USP25: variants seen among roughly 807,000 people sequenced by gnomAD.
The protein encoded by USP25 is ubiquitin specific peptidase 25.
USP25 carries 85 observed loss-of-function variants against 158.5 expected under a neutral mutation model. The ratio of observed to expected loss-of-function variants is 0.54; its 90% CI spans 0.45 to 0.64. The LOEUF (loss-of-function observed/expected upper bound fraction) is 0.64. USP25 is among the 30% of genes least tolerant of loss of function. The pLI, the probability that USP25 is intolerant of heterozygous loss-of-function variation, is 0.00. For missense variants in USP25, 1,242 were observed against 1,327.3 expected, an observed-to-expected ratio of 0.94 and a Z score of 1.00; for synonymous variants, 464 against 460.4, an observed-to-expected ratio of 1.01 and a Z score of -0.10.
rs1170698271 is a variant in USP25, at chr21:15,878,130, T to G, written c.3205+139T>G. ...ATTTTCACATTCACATGATTACTCTTTTTCCATATTGATGAACTAAGCTGT... is the reference window on the plus strand; with the variant it reads ...ATTTTCACATTCACATGATTACTCTGTTTCCATATTGATGAACTAAGCTGT... On this transcript the variant is annotated intron_variant, in intron 25 of 25. Transcript: ENST00000400183. 8 of 1,061,914 alleles carry G rather than the reference T, an allele frequency of 7.5e-6. No homozygotes were observed. In the East Asian group the frequency reaches 1.9e-4, roughly 25 times the overall value. The allele number at this position is 1,061,914 out of a possible 1,614,324, so 65.8% of individuals were successfully genotyped here. A position where few individuals can be genotyped will look rare whatever the true frequency, so the allele number is the denominator to read the frequency against.
chr21:15,866,391 A>T, intron 22 of USP25, 47 bp downstream of exon 22: 1 of 1,404,380 alleles, frequency 7.1e-7, no homozygotes, highest in Non-Finnish European at 9.6e-7. Flanking sequence ...GGGATTCTGT[A>T]ATTCACTGAT....
At chr21:15,777,308 A>G (rs1045131118) in intron 3 of USP25, among the ~76,000 whole-genome samples, 15 of 152,200 alleles carry the variant, frequency 9.9e-5, no homozygotes, top group African/African-American at 3.6e-4. Flanking sequence ...ATTTAAATAG[A>G]AAGTGAAAGA....
At chr21:15,779,387 G>A (rs1235959266) in intron 4 of USP25, among the ~76,000 whole-genome samples, 1 of 151,936 alleles carries the variant, frequency 6.6e-6, no homozygotes, top group Non-Finnish European at 1.5e-5. Context: ...GATTTCATAT[G>A]TAAGGGGCAT....
intron 16 of USP25, among the ~76,000 whole-genome samples, chr21:15,832,747 G>T (rs377443792): frequency 1.3e-5 from 2 of 152,002 alleles, no homozygotes; most frequent in Non-Finnish European, 2.9e-5. Context: ...GGCCGGGCGC[G>T]GTGGCTTATG....
chr21:15,767,591 G>A (rs985703936), intron 3 of USP25, among the ~76,000 whole-genome samples: 1 of 152,070 alleles, frequency 6.6e-6, no homozygotes, highest in Non-Finnish European at 1.5e-5. Context: ...TGAAAGAGAA[G>A]TGGTATAAAG....
intron 1 of USP25, among the ~76,000 whole-genome samples, chr21:15,761,896 A>G (rs988413065): frequency 2.0e-4 from 30 of 152,260 alleles, no homozygotes; most frequent in African/African-American, 6.5e-4. Context: ...TCTCTGCCCT[A>G]TGCGCCTTGG....
At position 15,826,229 on chromosome 21, in the gene USP25, A is replaced by C. The variant is rs1294464227; in HGVS notation, c.1330A>C (p.Lys444Gln). ...ATATTTAAGCTATGGTTCCGGTCCCAAACGATTCCCCTTGGTAGATGTTCT... is the reference window on the plus strand; with the variant it reads ...ATATTTAAGCTATGGTTCCGGTCCCCAACGATTCCCCTTGGTAGATGTTCT... ...ERYLSYGSGP[K>Q]RFPLVDVLQY... is the part of the protein sequence containing the mutation. The change falls in exon 13 of 26, where the codon AAA becomes CAA. Residue 444 changes from lysine (K) to glutamine (Q), a missense_variant. Lys to Gln is a moderately conservative substitution (Grantham distance 53). This residue lies in a region of USP25 where 627 missense variants were observed against 701.4 expected (regional missense o/e 0.89). Coordinates refer to ENST00000400183, the MANE Select transcript of USP25 (RefSeq NM_001283041.3). This position sits in a 1 kb window ranked among gnomAD's most constrained non-coding sequence, Gnocchi z 4.8. The C allele has an allele frequency of 6.2e-7, 1 of 1,613,908 alleles. No homozygotes were observed. Among genetic ancestry groups the C allele is most frequent in the Non-Finnish European group, 8.5e-7 (1 of 1,179,930 alleles).
intron 6 of USP25, 86 bp from the exon 7 acceptor site, chr21:15,805,035 G>C: frequency 7.3e-7 from 1 of 1,362,604 alleles, no homozygotes; most frequent in Non-Finnish European, 9.6e-7. Flanking sequence ...TTAATTTTTG[G>C]TTACTGTTAA....
chr21:15,860,186 A>G (rs985474055), intron 20 of USP25, among the ~76,000 whole-genome samples: 12 of 151,592 alleles, frequency 7.9e-5, no homozygotes, highest in African/African-American at 2.9e-4. Flanking sequence ...GGAGTCTCAC[A>G]CTGTTTCCCA....
At chr21:15,730,974 C>CTTTTTTTTTTT (rs1420306163) in intron 1 of USP25, among the ~76,000 whole-genome samples, 1 of 60,342 alleles carries the variant, frequency 1.7e-5, no homozygotes, top group Admixed American at 1.7e-4. Flanking sequence ...TTCTTCTTTT[C>CTTTTTTTTTTT]TGTTTTTTTT....
chr21:15,804,869 C>T (rs1364794762), intron 6 of USP25, among the ~76,000 whole-genome samples: 1 of 152,080 alleles, frequency 6.6e-6, no homozygotes, highest in Non-Finnish European at 1.5e-5. Context: ...ACATGATTTG[C>T]TGTGAATATG....
At chr21:15,821,163 A>T (rs1033033814) in intron 10 of USP25, among the ~76,000 whole-genome samples, 4 of 151,792 alleles carry the variant, frequency 2.6e-5, no homozygotes, top group African/African-American at 9.7e-5. Flanking sequence ...GTTCTTTTAG[A>T]CTATTGCTAT....
At chr21:15,795,837 T>C (rs1170666249) in intron 5 of USP25, among the ~76,000 whole-genome samples, 1 of 151,546 alleles carries the variant, frequency 6.6e-6, no homozygotes, top group Non-Finnish European at 1.5e-5. Flanking sequence ...CCATCTATTT[T>C]TCAATCCCTG....
At position 15,827,355 on chromosome 21, in the gene USP25, C is replaced by T. The variant is rs76569298; in HGVS notation, c.1693+152C>T. ...GGTTTTAAGATAAACTAGTTTGGCT[C>T]CCCATTTTTATAATCTCAATATCAG... On this transcript the variant is annotated intron_variant, in intron 14 of 25. Coordinates refer to ENST00000400183, the MANE Select transcript of USP25 (RefSeq NM_001283041.3). 6.5e-4 allele frequency: 462 copies of T among 709,794 alleles called. 8 individuals are homozygous for T. In the East Asian group the frequency reaches 0.013, roughly 19 times the overall value. The allele number at this position is 709,794 out of a possible 1,614,324, so 44.0% of individuals were successfully genotyped here. A position where few individuals can be genotyped will look rare whatever the true frequency, so the allele number is the denominator to read the frequency against.
At chr21:15,831,306 G>A in intron 15 of USP25, 95 bp from the exon 16 acceptor site, 1 of 1,189,590 alleles carries the variant, frequency 8.4e-7, no homozygotes, top group Non-Finnish European at 1.2e-6. Flanking sequence ...ATGCTCTTAT[G>A]GTTTTCTCCA....
rs1171594390 is a variant in USP25, at chr21:15,827,016, A to G, written c.1506A>G (p.Pro502=). 6.2e-7 allele frequency: 1 copy of G among 1,614,002 alleles called. No homozygotes were observed. The highest frequency in any genetic ancestry group is 1.3e-5 in the African/African-American group (1 of 74,922). The change falls in exon 14 of 26, where the codon CCA becomes CCG. Residue 502 remains proline, a synonymous_variant. Transcript: ENST00000400183. ...AGGGAGCCCTATCTTCAGAACTGCCAAGCACATCACCTTCATCAGTTGCTG... is the reference window on the plus strand; with the variant it reads ...AGGGAGCCCTATCTTCAGAACTGCCGAGCACATCACCTTCATCAGTTGCTG... ...EQQGALSSEL[P]STSPSSVAAI... is the part of the protein sequence containing the mutation.
rs576455132 is a variant in USP25, at chr21:15,830,474, TC to T, written c.1694-56del. On this transcript the variant is annotated intron_variant, in intron 14 of 25. Transcript: ENST00000400183. Reference sequence around the variant, plus strand: ...TTTGTAGGAAAAACATTAGTCCTTATCTTATAAGTAGAAACACATTTGCTGT... The same window carrying T: ...TTTGTAGGAAAAACATTAGTCCTTATTTATAAGTAGAAACACATTTGCTGT... 47 of 1,467,460 alleles carry T rather than the reference TC, an allele frequency of 3.2e-5. No homozygotes were observed. The African/African-American group carries it at 5.6e-4, about 18-fold the overall frequency. 90.9% of individuals were successfully genotyped at this position (1,467,460 alleles called of 1,614,324 possible). A position where few individuals can be genotyped will look rare whatever the true frequency, so the allele number is the denominator to read the frequency against.
chr21:15,857,810 T>C (rs1476656446), intron 20 of USP25, among the ~76,000 whole-genome samples: 1 of 152,092 alleles, frequency 6.6e-6, no homozygotes, highest in Admixed American at 6.5e-5. Context: ...GCTGCTTTCA[T>C]GGTTTTATAA....
chr21:15,849,651 A>T, intron 19 of USP25, 126 bp from the exon 20 acceptor site: 2 of 695,340 alleles, frequency 2.9e-6, no homozygotes, highest in Non-Finnish European at 4.5e-6. Flanking sequence ...ATATTGGATT[A>T]AATTTGGTAT....
Sources: gnomAD v4.1 joint callset for allele counts (sites outside exome capture counted in the v4.1 genomes callset) on GRCh38, gnomAD v4.1.1 for gene constraint, gnomAD v4.1.1 regional missense constraint, Gnocchi (gnomAD v3.1) non-coding constraint, MANE v1.5 for transcripts, NCBI Gene and HGNC (gene_info 2026-07-23, HGNC 2026-07-21) for gene names.